The following DSCAM variants were observed in gnomAD, a reference collection of about 807,000 sequenced individuals.
DSCAM encodes cell adhesion molecule DSCAM.
A neutral mutation model predicts 217.7 loss-of-function variants in DSCAM; 47 were observed. The ratio of observed to expected loss-of-function variants is 0.22; its 90% CI spans 0.17 to 0.28. DSCAM has a LOEUF of 0.28. Ranked by LOEUF, DSCAM falls within the 10% of genes least tolerant of loss-of-function variation. The probability of loss-of-function intolerance (pLI) is 1.00; values close to 1 mark genes in which losing one functional copy is unlikely to be tolerated. For missense variants in DSCAM, 2,080 were observed against 2,618.3 expected, an observed-to-expected ratio of 0.79 and a Z score of 4.49; for synonymous variants, 1,056 against 1,015.3, an observed-to-expected ratio of 1.04 and a Z score of -0.76.
intron 3 of DSCAM, among the ~76,000 whole-genome samples, chr21:40,425,357 C>T (rs981247470): frequency 3.2e-4 from 48 of 152,194 alleles, no homozygotes; most frequent in Admixed American, 6.5e-4. Flanking sequence ...GAAACCCCGT[C>T]TCTACTAAAA....
intron 11 of DSCAM, among the ~76,000 whole-genome samples, chr21:40,199,606 C>T (rs1011542416): frequency 6.6e-6 from 1 of 152,168 alleles, no homozygotes; most frequent in Non-Finnish European, 1.5e-5. Context: ...CTAATTTACA[C>T]TCCCACCCAC....
In DSCAM at chr21:40,144,040, A is replaced by C. The variant is rs1325765293; in HGVS notation, c.3259+451T>G. ...CTCGGCCGCTAGGGGGCGATCGATCACTGTGCAATCTGAAAATTCCTTTTC... is the reference window on the plus strand; with the variant it reads ...CTCGGCCGCTAGGGGGCGATCGATCCCTGTGCAATCTGAAAATTCCTTTTC... On this transcript the variant is annotated intron_variant, in intron 17 of 32. Transcript: ENST00000400454. This position sits in a 1 kb window ranked among gnomAD's most constrained non-coding sequence, Gnocchi z 4.8. 6.6e-6 allele frequency among the ~76,000 whole-genome samples: 1 copy of C among 152,220 alleles called. No homozygotes were observed. Among genetic ancestry groups the C allele is most frequent in the Non-Finnish European group, 1.5e-5 (1 of 68,040 alleles).
intron 3 of DSCAM, among the ~76,000 whole-genome samples, chr21:40,394,188 T>C (rs528716192): frequency 6.6e-6 from 1 of 152,320 alleles, no homozygotes; most frequent in East Asian, 1.9e-4. Context: ...TCACCTAGAA[T>C]ATGAAGATGA....
At chr21:40,544,004 C>G (rs1364696077) in intron 3 of DSCAM, among the ~76,000 whole-genome samples, 1 of 152,092 alleles carries the variant, frequency 6.6e-6, no homozygotes, top group African/African-American at 2.4e-5. Context: ...GTTCCATAGA[C>G]AGTAAGTGCC....
intron 3 of DSCAM, among the ~76,000 whole-genome samples, chr21:40,556,398 G>GA (rs1189738281): frequency 6.6e-6 from 1 of 151,940 alleles, no homozygotes; most frequent in Non-Finnish European, 1.5e-5. Context: ...GCAAGCTAGA[G>GA]AAAAAAACGT....
chr21:40,601,997 T>G (rs2075932805), intron 3 of DSCAM, among the ~76,000 whole-genome samples: 1 of 151,980 alleles, frequency 6.6e-6, no homozygotes, highest in Non-Finnish European at 1.5e-5. Flanking sequence ...TCTGTTTTGG[T>G]TTTAGGATAA....
rs1394060031 is a variant in DSCAM, at chr21:40,518,506, T to TA, written c.509-149262dup. ...TTATATATATATTATATATTATATA[T>TA]ATAATATATATAATATATATTTTAT... is the stretch of plus-strand genomic sequence containing the variant. On this transcript the variant is annotated intron_variant, in intron 3 of 32. Transcript: ENST00000400454. Among the ~76,000 whole-genome samples the TA allele has an allele frequency of 3.1e-3, 44 of 13,982 alleles. 2 individuals are homozygous for TA. The highest frequency in any genetic ancestry group is 0.024 in the African/African-American group (42 of 1,738). 9.2% of individuals were successfully genotyped at this position (13,982 alleles called of 152,430 possible). A position where few individuals can be genotyped will look rare whatever the true frequency, so the allele number is the denominator to read the frequency against.
intron 16 of DSCAM, among the ~76,000 whole-genome samples, chr21:40,157,225 C>T (rs188598564): frequency 1.3e-5 from 2 of 152,320 alleles, no homozygotes; most frequent in East Asian, 3.9e-4. Flanking sequence ...TGCAGCTGTG[C>T]CTATGCAGCA....
At chr21:40,727,693 T>TAC (rs1231352560) in intron 1 of DSCAM, among the ~76,000 whole-genome samples, 1 of 152,116 alleles carries the variant, frequency 6.6e-6, no homozygotes, top group Non-Finnish European at 1.5e-5. Context: ...CCTGGTCCCC[T>TAC]ACACACACAC....
chr21:40,580,917 G>A (rs2076900451), intron 3 of DSCAM, among the ~76,000 whole-genome samples: 1 of 152,128 alleles, frequency 6.6e-6, no homozygotes. Context: ...AAGAAAGACT[G>A]GAAACAAATT....
chr21:40,408,828 C>T (rs931450279), intron 3 of DSCAM, among the ~76,000 whole-genome samples: 2 of 152,176 alleles, frequency 1.3e-5, no homozygotes, highest in Admixed American at 1.3e-4. Flanking sequence ...TTTTAAATGA[C>T]ATAACTAGAG....
At position 40,846,685 on chromosome 21, in the gene DSCAM, C is replaced by A; in HGVS notation, c.-24G>T. The A allele has an allele frequency of 8.7e-7, 1 of 1,151,892 alleles. No homozygotes were observed. The highest frequency in any genetic ancestry group is 1.1e-6 in the Non-Finnish European group (1 of 922,542). 71.4% of individuals were successfully genotyped at this position (1,151,892 alleles called of 1,614,324 possible). A position where few individuals can be genotyped will look rare whatever the true frequency, so the allele number is the denominator to read the frequency against. ...ATGCCCCTGCCGCTCCCCGGCCTCC[C>A]GCGAGCGACGCGCCGGCCTCGCCCC... On this transcript the variant is annotated 5_prime_UTR_variant, in exon 1 of 33. Coordinates refer to ENST00000400454, the MANE Select transcript of DSCAM (RefSeq NM_001389.5).
chr21:40,783,997 A>G (rs1168608031), intron 1 of DSCAM, among the ~76,000 whole-genome samples: 2 of 151,424 alleles, frequency 1.3e-5, no homozygotes, highest in East Asian at 3.8e-4. Context: ...ATTTTAAAAG[A>G]AAATTTTCTT....
intron 24 of DSCAM, among the ~76,000 whole-genome samples, chr21:40,081,679 A>T (rs902951048): frequency 1.3e-5 from 2 of 149,876 alleles, no homozygotes; most frequent in African/African-American, 4.9e-5. Flanking sequence ...ACCTCAAAAA[A>T]CTCCTCTAAT....
chr21:40,167,322 G>C (rs776151272), intron 15 of DSCAM, 34 bp from the exon 16 acceptor site: 3 of 1,604,832 alleles, frequency 1.9e-6, no homozygotes, highest in Admixed American at 1.7e-5. Flanking sequence ...GCAGGTTAGA[G>C]ACGCTTTCCG....
At chr21:40,155,950 C>T (rs2090471720) in intron 16 of DSCAM, among the ~76,000 whole-genome samples, 2 of 152,022 alleles carry the variant, frequency 1.3e-5, no homozygotes, top group Admixed American at 1.3e-4. Context: ...GGCAGGGAGC[C>T]AAGCCAGGAG....
At chr21:40,581,218 C>T (rs2076903144) in intron 3 of DSCAM, among the ~76,000 whole-genome samples, 2 of 152,284 alleles carry the variant, frequency 1.3e-5, no homozygotes, top group South Asian at 4.1e-4. Context: ...GCGCTGCAGC[C>T]TCAAGGAGGT....
chr21:40,221,185 G>A (rs2091286144), intron 11 of DSCAM, among the ~76,000 whole-genome samples: 1 of 152,040 alleles, frequency 6.6e-6, no homozygotes, highest in Non-Finnish European at 1.5e-5. Flanking sequence ...AAAGAGTTGA[G>A]TAGAGTGAAA....
intron 2 of DSCAM, among the ~76,000 whole-genome samples, chr21:40,707,815 G>A (rs1379597978): frequency 6.6e-6 from 1 of 152,106 alleles, no homozygotes; most frequent in Non-Finnish European, 1.5e-5. Context: ...CTTGATGTCT[G>A]TGTATCTCAG....
Sources: gnomAD v4.1 joint callset for allele counts (sites outside exome capture counted in the v4.1 genomes callset) on GRCh38, gnomAD v4.1.1 for gene constraint, Gnocchi (gnomAD v3.1) non-coding constraint, MANE v1.5 for transcripts, NCBI Gene and HGNC (gene_info 2026-07-23, HGNC 2026-07-21) for gene names.